Variants in PLCE1 observed in about 807,000 individuals in gnomAD.
PLCE1 encodes 1-phosphatidylinositol 4,5-bisphosphate phosphodiesterase epsilon-1.
A neutral mutation model predicts 242.8 loss-of-function variants in PLCE1; 119 were observed. The ratio of observed to expected loss-of-function variants is 0.49; its 90% CI spans 0.42 to 0.57. The LOEUF (loss-of-function observed/expected upper bound fraction) is 0.57. PLCE1 is among the 20% of genes least tolerant of loss of function. The pLI is 0.00. For synonymous variants in PLCE1, 945 were observed against 1,017.4 expected (o/e 0.93, Z 1.35); for missense variants, 2,441 against 2,788.8 (o/e 0.88, Z 2.81).
At chr10:94,300,798 T>C (rs1392005019) in intron 24 of PLCE1, among the ~76,000 whole-genome samples, 1 of 152,190 alleles carries the variant, frequency 6.6e-6, no homozygotes, top group African/African-American at 2.4e-5. Context: ...CAGTGGCTCA[T>C]ACCTGTAATC....
At position 94,316,763 on chromosome 10, in the gene PLCE1, G is replaced by A; in HGVS notation, c.6342+7G>A. On this transcript the variant is annotated splice_region_variant and intron_variant, in intron 29 of 32. Coordinates refer to ENST00000371380, the MANE Select transcript of PLCE1 (RefSeq NM_016341.4). ...CTTAAAAACCCAGCAGGAAGTAAGT[G>A]TGTCTGGGTGCAGCCTACACAGTAA... 2.5e-6 allele frequency: 4 copies of A among 1,595,222 alleles called. No individual in the cohort carries two copies. The highest frequency in any genetic ancestry group is 3.4e-6 in the Non-Finnish European group (4 of 1,162,670).
intron 19 of PLCE1, among the ~76,000 whole-genome samples, chr10:94,275,147 G>A (rs1332772201): frequency 2.0e-5 from 3 of 152,140 alleles, no homozygotes; most frequent in South Asian, 2.1e-4. Context: ...TTCCACTAAT[G>A]AACAGAAGTC....
chr10:94,280,192 G>T (rs2052149955), intron 20 of PLCE1: 2 of 465,248 alleles, frequency 4.3e-6, no homozygotes. Context: ...GAGAAACCCT[G>T]TTTTCACCCT....
In PLCE1 at chr10:94,030,852, T is replaced by C. The variant is rs2061543434; in HGVS notation, c.-195T>C. The C allele has an allele frequency of 1.6e-6, 1 of 609,062 alleles. No individual in the cohort carries two copies. The highest frequency in any genetic ancestry group is 2.9e-5 in the Admixed American group (1 of 34,022). The allele number at this position is 609,062 out of a possible 1,614,324, so 37.7% of individuals were successfully genotyped here. On this transcript the variant is annotated 5_prime_UTR_variant, in exon 2 of 33. Transcript: ENST00000371380. ...ACCCTGATCTAGAAAAAATATATAT[T>C]CATGATAGGAAGTTATAACTAAGAA...
At position 94,252,078 on chromosome 10, in the gene PLCE1, G is replaced by A. The variant is rs34775698; in HGVS notation, c.3097-238G>A. ...GGGAAGTTTTTGTTCCCCAGTTGAT[G>A]TATTAAAGCATGTCACTGGAACTCA... On this transcript the variant is annotated intron_variant, in intron 8 of 32. Coordinates refer to ENST00000371380, the MANE Select transcript of PLCE1 (RefSeq NM_016341.4). 0.27 allele frequency among the ~76,000 whole-genome samples: 41,622 copies of A among 152,058 alleles called. 5,740 individuals are homozygous for A. Among genetic ancestry groups the A allele is most frequent in the Middle Eastern group, 0.35 (104 of 294 alleles).
intron 32 of PLCE1, among the ~76,000 whole-genome samples, chr10:94,327,008 A>T (rs2054044190): frequency 6.6e-6 from 1 of 152,048 alleles, no homozygotes; most frequent in Non-Finnish European, 1.5e-5. Flanking sequence ...AAAATACAAC[A>T]ACAGTTAGCT....
chr10:94,264,218 T>C (rs1342521757), intron 14 of PLCE1, among the ~76,000 whole-genome samples: 1 of 152,074 alleles, frequency 6.6e-6, no homozygotes, highest in Non-Finnish European at 1.5e-5. Context: ...AGGTGGCATT[T>C]GGACTGAGCC....
intron 2 of PLCE1, among the ~76,000 whole-genome samples, chr10:94,037,311 A>G (rs941683267): frequency 6.6e-6 from 1 of 152,176 alleles, no homozygotes; most frequent in Non-Finnish European, 1.5e-5. Flanking sequence ...AAAGGGACCA[A>G]CCGCTAATAA....
chr10:94,214,096 G>A (rs2049435741), intron 4 of PLCE1, among the ~76,000 whole-genome samples: 1 of 152,156 alleles, frequency 6.6e-6, no homozygotes, highest in Non-Finnish European at 1.5e-5. Flanking sequence ...TCCACATCCT[G>A]TGTTTTTCTG....
chr10:94,262,828 A>C, intron 14 of PLCE1, 96 bp downstream of exon 14: 1 of 942,420 alleles, frequency 1.1e-6, no homozygotes. Context: ...CTTCTTTCCA[A>C]AGCCTTTAAA....
intron 4 of PLCE1, among the ~76,000 whole-genome samples, chr10:94,172,621 G>T (rs1174571428): frequency 6.6e-6 from 1 of 152,142 alleles, no homozygotes; most frequent in East Asian, 1.9e-4. Flanking sequence ...GAGGCCAGGA[G>T]TTCAAGACCA....
At chr10:94,302,668 G>A (rs1424170366) in intron 24 of PLCE1, among the ~76,000 whole-genome samples, 1 of 152,152 alleles carries the variant, frequency 6.6e-6, no homozygotes, top group Non-Finnish European at 1.5e-5. Context: ...TCGATTTATA[G>A]CATCCACCAC....
chr10:94,296,646 A>G (rs1196640665), intron 23 of PLCE1, among the ~76,000 whole-genome samples: 3 of 152,166 alleles, frequency 2.0e-5, no homozygotes, highest in Non-Finnish European at 4.4e-5. Flanking sequence ...GGCTGGTTTA[A>G]TCTTCTATCC....
At chr10:94,259,214 C>T in intron 13 of PLCE1, 64 bp downstream of exon 13, 2 of 1,494,902 alleles carry the variant, frequency 1.3e-6, no homozygotes, top group Non-Finnish European at 1.9e-6. Context: ...GGTCAGAGGT[C>T]CAGTCACACA....
At chr10:94,273,750 A>C (rs1416441375) in intron 19 of PLCE1, 30 bp downstream of exon 19, 2 of 1,601,698 alleles carry the variant, frequency 1.2e-6, no homozygotes, top group South Asian at 2.2e-5. Context: ...CAGTTATGAA[A>C]AGGCAGTGTG....
chr10:94,256,090 C>G (rs1309158478), intron 11 of PLCE1, among the ~76,000 whole-genome samples: 1 of 150,968 alleles, frequency 6.6e-6, no homozygotes, highest in Non-Finnish European at 1.5e-5. Context: ...TTTAGGAGGT[C>G]AGGGAAGGAG....
At chr10:94,078,492 C>CTT (rs2044567422) in intron 2 of PLCE1, among the ~76,000 whole-genome samples, 2 of 148,760 alleles carry the variant, frequency 1.3e-5, no homozygotes, top group Admixed American at 6.6e-5. Flanking sequence ...ACTTTTTGCT[C>CTT]ATTTTTTTTT....
At chr10:94,073,062 C>T (rs1047332900) in intron 2 of PLCE1, among the ~76,000 whole-genome samples, 1 of 152,094 alleles carries the variant, frequency 6.6e-6, no homozygotes, top group Non-Finnish European at 1.5e-5. Context: ...CCCCAGGGCA[C>T]ACCAGTTATC....
At chr10:94,075,354 T>C (rs2044471196) in intron 2 of PLCE1, among the ~76,000 whole-genome samples, 1 of 152,174 alleles carries the variant, frequency 6.6e-6, no homozygotes, top group Admixed American at 6.5e-5. Context: ...CAATAAGACA[T>C]TGAAAAAATA....
Sources: gnomAD v4.1 joint callset for allele counts (sites outside exome capture counted in the v4.1 genomes callset) on GRCh38, gnomAD v4.1.1 for gene constraint, MANE v1.5 for transcripts, NCBI Gene and HGNC (gene_info 2026-07-23, HGNC 2026-07-21) for gene names.